Variants in ITGB4 observed in about 807,000 individuals in gnomAD.
ITGB4 encodes integrin subunit beta 4.
A neutral mutation model predicts 207.6 loss-of-function variants in ITGB4; 159 were observed. That is an observed-to-expected ratio of 0.77 (90% CI 0.67 to 0.87). ITGB4 has a LOEUF of 0.87. ITGB4 is among the 40% of genes least tolerant of loss of function. The pLI, the probability that ITGB4 is intolerant of heterozygous loss-of-function variation, is 0.00. For synonymous variants in ITGB4, 1,020 were observed against 1,062.7 expected (o/e 0.96, Z 0.78); for missense variants, 2,278 against 2,546.8 (o/e 0.89, Z 2.27).
intron 1 of ITGB4, among the ~76,000 whole-genome samples, chr17:75,724,055 G>A (rs1167197179): frequency 6.6e-6 from 1 of 152,216 alleles, no homozygotes; most frequent in African/African-American, 2.4e-5. Context: ...CAGCTCAGGG[G>A]CCCAGAAAAC....
chr17:75,750,034 G>A lies in ITGB4; in HGVS notation c.3317-77G>A. ...ATGCGCTGGGTAGAGCGCCCTGGGT[G>A]TTGAAGTGGGTCTCTGGCGCCCCCT... On this transcript the variant is annotated intron_variant, in intron 27 of 39. Coordinates refer to ENST00000200181, the MANE Select transcript of ITGB4 (RefSeq NM_000213.5). The surrounding 1 kb of genome is among the most constrained non-coding windows in gnomAD (Gnocchi z 5.5). 1.0e-5 allele frequency: 16 copies of A among 1,584,334 alleles called. No homozygotes were observed. Among genetic ancestry groups the A allele is most frequent in the Non-Finnish European group, 1.2e-5 (14 of 1,154,004 alleles).
intron 26 of ITGB4, among the ~76,000 whole-genome samples, chr17:75,747,335 C>T (rs908567089): frequency 2.0e-5 from 3 of 151,962 alleles, no homozygotes; most frequent in East Asian, 1.9e-4. Flanking sequence ...AAAAATTAGC[C>T]GGGCATGGTG....
chr17:75,742,756 A>T lies in ITGB4; in HGVS notation c.2957A>T (p.Glu986Val), dbSNP rs1406483926. ...CTGGTAAACATCACCATCATCAAGG[A>T]GCAAGGTGGGTCTGGGTGGGGAGAG... ...RRLVNITIIK[E>V]QARDVVSFEQ... The change falls in exon 25 of 40, where the codon GAG becomes GTG. Residue 986 changes from glutamate to valine, a missense_variant. Coordinates refer to ENST00000200181, the MANE Select transcript of ITGB4 (RefSeq NM_000213.5). The surrounding 1 kb of genome is among the most constrained non-coding windows in gnomAD (Gnocchi z 5.9). The T allele has an allele frequency of 3.7e-6, 6 of 1,608,524 alleles. No homozygotes were observed. The highest frequency in any genetic ancestry group is 5.1e-6 in the Non-Finnish European group (6 of 1,179,840).
At position 75,750,722 on chromosome 17, in the gene ITGB4, C is replaced by G; in HGVS notation, c.3517C>G (p.Leu1173Val). The G allele has an allele frequency of 1.9e-6, 3 of 1,613,520 alleles. No individual in the cohort carries two copies. Among genetic ancestry groups the G allele is most frequent in the Non-Finnish European group, 2.5e-6 (3 of 1,180,026 alleles). ...GGGTGACTCCGAATCCGAAGCCCAC[C>G]TGCTCGACAGCAAGGTGCCCTCAGT... is the stretch of plus-strand genomic sequence containing the variant. ...IQGDSESEAH[L>V]LDSKVPSVEL... The change falls in exon 29 of 40, where the codon CTG becomes GTG. Residue 1173 changes from leucine (L) to valine (V), a missense_variant. Transcript: ENST00000200181. This position sits in a 1 kb window ranked among gnomAD's most constrained non-coding sequence, Gnocchi z 5.5.
chr17:75,735,601 C>T (rs570338421), intron 13 of ITGB4, among the ~76,000 whole-genome samples: 46 of 151,112 alleles, frequency 3.0e-4, no homozygotes, highest in African/African-American at 9.5e-4. Flanking sequence ...TTAGTAGAGA[C>T]GAGGTTTCTC....
intron 2 of ITGB4, 141 bp downstream of exon 2, chr17:75,724,923 G>T: frequency 2.7e-6 from 2 of 750,808 alleles, no homozygotes; most frequent in Non-Finnish European, 4.6e-6. Context: ...TTCAGGGCTG[G>T]AAAACTTGAG....
In ITGB4 at chr17:75,731,737, G is replaced by A. The variant is rs763786489; in HGVS notation, c.1216-75G>A. The A allele has an allele frequency of 6.8e-5, 99 of 1,465,088 alleles. No individual in the cohort carries two copies. The highest frequency in any genetic ancestry group is 3.0e-4 in the East Asian group (12 of 40,238). The allele number at this position is 1,465,088 out of a possible 1,614,324, so 90.8% of individuals were successfully genotyped here. ...GACATCTCCTAGGAACTTGGGGGCC[G>A]AGGGCCTTCAGGCATCGATGGCCCC... On this transcript the variant is annotated intron_variant, in intron 10 of 39. Transcript: ENST00000200181. The surrounding 1 kb of genome is among the most constrained non-coding windows in gnomAD (Gnocchi z 6.8).
Position 75,740,746 on chromosome 17 carries a change from C to T in ITGB4, c.2551-47C>T, listed in dbSNP as rs1193293143. ...CTGGGTCCCCAGCCTGAGGGCTTGC[C>T]ACGGGGTGGCCTAGGCCCAGCCTCA... is the stretch of plus-strand genomic sequence containing the variant. On this transcript the variant is annotated intron_variant, in intron 21 of 39. Coordinates refer to ENST00000200181, the MANE Select transcript of ITGB4 (RefSeq NM_000213.5). The surrounding 1 kb of genome is among the most constrained non-coding windows in gnomAD (Gnocchi z 5.9). 1 of 1,604,634 alleles carries T rather than the reference C, an allele frequency of 6.2e-7. No homozygotes were observed.
intron 13 of ITGB4, among the ~76,000 whole-genome samples, 162 bp from the exon 14 acceptor site, chr17:75,735,889 G>A (rs1158918242): frequency 6.6e-6 from 1 of 152,158 alleles, no homozygotes; most frequent in Non-Finnish European, 1.5e-5. Context: ...GAGATGGAGG[G>A]AAGGAGATTC....
rs1423869300 is a variant in ITGB4 at position 75,722,774 on chromosome 17, T to TGTGA, written c.-11+1165_-11+1166insAGTG. Among the ~76,000 whole-genome samples the TGTGA allele has an allele frequency of 1.5e-4, 23 of 149,818 alleles. No individual in the cohort carries two copies. The highest frequency in any genetic ancestry group is 5.8e-4 in the African/African-American group (23 of 39,842). On this transcript the variant is annotated intron_variant, in intron 1 of 39. Transcript: ENST00000200181. The surrounding 1 kb of genome is among the most constrained non-coding windows in gnomAD (Gnocchi z 6.2). ...GGCATGGCCTGTGTGTGTGTGTGTG[T>TGTGA]GTGTGTGTGTGTGTGTGTCCCTGTG...
chr17:75,740,285 G>A lies in ITGB4; in HGVS notation c.2447-73G>A, dbSNP rs1422244057. On this transcript the variant is annotated intron_variant, in intron 20 of 39. Transcript: ENST00000200181. The surrounding 1 kb of genome is among the most constrained non-coding windows in gnomAD (Gnocchi z 5.9). ...CCTGATCCTAGCATGGTTGCTGGAG[G>A]GATGCTCTGTGGTGCCTGTCATGCA... The A allele has an allele frequency of 3.2e-5, 45 of 1,395,354 alleles. No homozygotes were observed. In the South Asian group the frequency reaches 5.3e-4, roughly 16 times the overall value. 86.4% of individuals were successfully genotyped at this position (1,395,354 alleles called of 1,614,324 possible).
chr17:75,730,625 T>C lies in ITGB4; in HGVS notation c.1002+121T>C, dbSNP rs377372005. The C allele has an allele frequency of 9.7e-5, 99 of 1,025,776 alleles. 1 individual carries two copies. The African/African-American group carries it at 1.9e-3, about 19-fold the overall frequency. The allele number at this position is 1,025,776 out of a possible 1,614,324, so 63.5% of individuals were successfully genotyped here. ...CCCTTCCTCCCTTCCTCCCTCCCTC[T>C]TTTCCTCCCTTTCCTTCCTCCCTTC... On this transcript the variant is annotated intron_variant, in intron 8 of 39. Coordinates refer to ENST00000200181, the MANE Select transcript of ITGB4 (RefSeq NM_000213.5).
intron 17 of ITGB4, 41 bp from the exon 18 acceptor site, chr17:75,737,497 G>A: frequency 6.4e-7 from 1 of 1,554,380 alleles, no homozygotes; most frequent in Non-Finnish European, 8.7e-7. Context: ...GAGCTCGGTG[G>A]GGAGGACAGG....
chr17:75,750,132 C>CTCCG lies in ITGB4; in HGVS notation c.3338_3339insTCCG (p.Ser1114ProfsTer24), dbSNP rs750356456. 6.2e-7 allele frequency: 1 copy of CTCCG among 1,613,720 alleles called. No homozygotes were observed. Among genetic ancestry groups the CTCCG allele is most frequent in the Non-Finnish European group, 8.5e-7 (1 of 1,180,030 alleles). On this transcript the variant is annotated frameshift_variant, in exon 28 of 40. Transcript: ENST00000200181. LOFTEE classifies it high-confidence loss of function. This position sits in a 1 kb window ranked among gnomAD's most constrained non-coding sequence, Gnocchi z 5.5. Reference sequence around the variant, plus strand: ...TTAGATGAACTGGACCGGAGCTTCACGAGTCAGATGTTGTCATCACAGCCA... The same window carrying CTCCG: ...TTAGATGAACTGGACCGGAGCTTCACTCCGGAGTCAGATGTTGTCATCACAGCCA...
Position 75,743,736 on chromosome 17 carries a change from C to T in ITGB4, c.2986C>T (p.Gln996Ter), listed in dbSNP as rs772142634. 3 of 1,613,566 alleles carry T rather than the reference C, an allele frequency of 1.9e-6. No homozygotes were observed. In the South Asian group the frequency reaches 3.3e-5, roughly 18 times the overall value. Residue 996 changes from glutamine (Q) to a stop codon, truncating the protein, a stop_gained, in exon 26 of 40, where the codon CAG (glutamine) becomes TAG (stop). Coordinates refer to ENST00000200181, the MANE Select transcript of ITGB4 (RefSeq NM_000213.5). LOFTEE classifies it high-confidence loss of function. The part of the protein sequence containing the change: ...EQARDVVSFE[Q>*]PEFSVSRGDQ... ...AGCCAGAGACGTGGTGTCCTTTGAG[C>T]AGCCTGAGTTCTCGGTCAGCCGCGG... is the stretch of plus-strand genomic sequence containing the variant.
intron 26 of ITGB4, among the ~76,000 whole-genome samples, chr17:75,748,197 CAAAAA>C (rs57537115): frequency 4.5e-4 from 35 of 78,644 alleles, no homozygotes; most frequent in East Asian, 2.4e-3. Flanking sequence ...CGTGCCTCTA[CAAAAA>C]AAAAAAAAAA....
At position 75,727,901 on chromosome 17, in the gene ITGB4, G is replaced by A; in HGVS notation, c.469+46G>A. The A allele has an allele frequency of 6.3e-7, 1 of 1,579,452 alleles. No homozygotes were observed. The highest frequency in any genetic ancestry group is 2.2e-5 in the East Asian group (1 of 44,668). On this transcript the variant is annotated intron_variant, in intron 5 of 39. Transcript: ENST00000200181. This position sits in a 1 kb window ranked among gnomAD's most constrained non-coding sequence, Gnocchi z 6.0. ...AGGACAGCAGGGCAGGAGGGGGACA[G>A]GTGGGCGTCTGCTTGGGAGGCCAGG...
intron 34 of ITGB4, 57 bp from the exon 35 acceptor site, chr17:75,755,644 C>T (rs1415327145): frequency 1.2e-6 from 2 of 1,605,370 alleles, no homozygotes; most frequent in Non-Finnish European, 1.7e-6. Context: ...AGCACTGTGA[C>T]TCCCACTGAG....
rs1367528649 is a variant in ITGB4 at position 75,742,765 on chromosome 17, G to A, written c.2962+4G>A. 1 of 1,605,980 alleles carries A rather than the reference G, an allele frequency of 6.2e-7. No individual in the cohort carries two copies. The highest frequency in any genetic ancestry group is 8.5e-7 in the Non-Finnish European group (1 of 1,179,566). On this transcript the variant is annotated splice_donor_region_variant and intron_variant, in intron 25 of 39. Transcript: ENST00000200181. The surrounding 1 kb of genome is among the most constrained non-coding windows in gnomAD (Gnocchi z 5.9). ...ATCACCATCATCAAGGAGCAAGGTG[G>A]GTCTGGGTGGGGAGAGTGGGGAAGG...
Sources: gnomAD v4.1 joint callset for allele counts (sites outside exome capture counted in the v4.1 genomes callset) on GRCh38, gnomAD v4.1.1 for gene constraint, Gnocchi (gnomAD v3.1) non-coding constraint, MANE v1.5 for transcripts, NCBI Gene and HGNC (gene_info 2026-07-23, HGNC 2026-07-21) for gene names.